The following OSBPL6 variants were observed in gnomAD, a reference collection of about 807,000 sequenced individuals.
OSBPL6 encodes oxysterol-binding protein-related protein 6.
OSBPL6 carries 49 observed loss-of-function variants against 125.8 expected under a neutral mutation model. The observed-to-expected ratio is 0.39, with a 90% CI of 0.31 to 0.49. The LOEUF is 0.49. Among genes scored for constraint, OSBPL6 ranks in the 20% least tolerant of loss-of-function variants. The pLI, the probability that OSBPL6 is intolerant of heterozygous loss-of-function variation, is 0.88. For synonymous variants in OSBPL6, 394 were observed against 391.8 expected, an observed-to-expected ratio of 1.01 and a Z score of -0.07; for missense variants, 986 against 1,135.4, an observed-to-expected ratio of 0.87 and a Z score of 1.89.
chr2:178,286,958 A>G (rs957585997), intron 2 of OSBPL6, among the ~76,000 whole-genome samples: 1 of 36,156 alleles, frequency 2.8e-5, no homozygotes, highest in African/African-American at 7.1e-5. Flanking sequence ...TATTGTTGCT[A>G]AATGAAATTC....
In OSBPL6 at chr2:178,367,824, G is replaced by A. The variant is rs571402736; in HGVS notation, c.1288-4302G>A. ...AGTGGTGAGAATATGCATAAAACCT[G>A]CTGCGTGAAGAATCTGTGCCCAGTT... On this transcript the variant is annotated intron_variant, in intron 13 of 24. Transcript: ENST00000190611. Among the ~76,000 whole-genome samples, 8 of 152,306 alleles carry A rather than the reference G, an allele frequency of 5.3e-5. No individual in the cohort carries two copies. In the South Asian group the frequency reaches 1.4e-3, roughly 28 times the overall value.
Position 178,395,809 on chromosome 2 carries a change from G to T in OSBPL6, c.*250G>T. On this transcript the variant is annotated 3_prime_UTR_variant, in exon 25 of 25. Transcript: ENST00000190611. ...AAAAAAAAAAAAAAAAATCCACACC[G>T]TCCTTGGAAAGCAGAATAAAAGGAG... 2.4e-6 allele frequency: 1 copy of T among 416,032 alleles called. No individual in the cohort carries two copies. 25.8% of individuals were successfully genotyped at this position (416,032 alleles called of 1,614,324 possible).
intron 11 of OSBPL6, among the ~76,000 whole-genome samples, chr2:178,343,845 G>A (rs1247788531): frequency 6.6e-6 from 1 of 151,722 alleles, no homozygotes; most frequent in Non-Finnish European, 1.5e-5. Flanking sequence ...AATTCTGTCT[G>A]GCCATTATGA....
intron 13 of OSBPL6, among the ~76,000 whole-genome samples, chr2:178,367,941 T>C (rs1203188795): frequency 1.3e-5 from 2 of 152,196 alleles, no homozygotes; most frequent in African/African-American, 2.4e-5. Flanking sequence ...ATAGCTCTTC[T>C]TGCTCATTGG....
chr2:178,231,465 C>T (rs2090813823), intron 1 of OSBPL6, among the ~76,000 whole-genome samples: 1 of 152,000 alleles, frequency 6.6e-6, no homozygotes, highest in African/African-American at 2.4e-5. Flanking sequence ...GTCTGCAGCT[C>T]GATTTTACAG....
chr2:178,264,721 A>G lies in OSBPL6; in HGVS notation c.-350-20206A>G, dbSNP rs535977660. Among the ~76,000 whole-genome samples, 14 of 152,296 alleles carry G rather than the reference A, an allele frequency of 9.2e-5. No individual in the cohort carries two copies. The East Asian group carries it at 2.7e-3, about 29-fold the overall frequency. On this transcript the variant is annotated intron_variant, in intron 1 of 24. Transcript: ENST00000190611. ...TTGGGAATCATTTGTATAGACCTCA[A>G]AGGGAATGTGAAAACTCAAGAGTAT... is the stretch of plus-strand genomic sequence containing the variant.
At chr2:178,232,360 C>T (rs1034651816) in intron 1 of OSBPL6, among the ~76,000 whole-genome samples, 13 of 152,050 alleles carry the variant, frequency 8.5e-5, no homozygotes, top group African/African-American at 3.1e-4. Context: ...TTGGAAATTA[C>T]TAATCCCAGA....
intron 2 of OSBPL6, among the ~76,000 whole-genome samples, chr2:178,288,761 G>C (rs1684953257): frequency 6.6e-6 from 1 of 151,582 alleles, no homozygotes; most frequent in Non-Finnish European, 1.5e-5. Context: ...TGATTCTCCT[G>C]CCTCAGCCTC....
chr2:178,292,749 G>A (rs1685402109), intron 2 of OSBPL6, among the ~76,000 whole-genome samples: 1 of 152,038 alleles, frequency 6.6e-6, no homozygotes, highest in Admixed American at 6.6e-5. Context: ...AGACAGATGA[G>A]GTCTCTGGAG....
chr2:178,235,464 TG>T (rs1409880829), intron 1 of OSBPL6, among the ~76,000 whole-genome samples: 1 of 140,878 alleles, frequency 7.1e-6, no homozygotes, highest in Non-Finnish European at 1.5e-5. Context: ...TGGAGTGCGG[TG>T]GTGCAATCCT....
At chr2:178,225,677 A>G (rs2090531686) in intron 1 of OSBPL6, among the ~76,000 whole-genome samples, 2 of 152,230 alleles carry the variant, frequency 1.3e-5, no homozygotes, top group South Asian at 4.1e-4. Flanking sequence ...GAGGCCTCAC[A>G]ATCATGGCAG....
rs952695018 is a variant in OSBPL6, at chr2:178,328,293, T to C, written c.233T>C (p.Ile78Thr). 2.5e-6 allele frequency: 4 copies of C among 1,613,904 alleles called. No homozygotes were observed. The Admixed American group carries it at 5.0e-5, about 20-fold the overall frequency. Residue 78 changes from isoleucine to threonine, a missense_variant, in exon 5 of 25, where the codon ATA becomes ACA. Ile to Thr is a moderately conservative substitution (Grantham distance 89, BLOSUM62 -1). Around this residue, in one of 3 missense-constraint regions of OSBPL6, gnomAD observed 130 missense variants for 106.4 expected, o/e 1.22. Transcript: ENST00000190611. ...DSWEIIEGLK[I>T]GQTNVQKPDK... ...TGGGAAATTATAGAAGGGCTGAAAA[T>C]AGGCCAAACCAATGTCCAGAAACCA... is the stretch of plus-strand genomic sequence containing the variant.
chr2:178,339,653 A>G lies in OSBPL6; in HGVS notation c.895-19A>G. The G allele has an allele frequency of 6.4e-7, 1 of 1,567,894 alleles. No individual in the cohort carries two copies. The highest frequency in any genetic ancestry group is 8.6e-7 in the Non-Finnish European group (1 of 1,157,792). On this transcript the variant is annotated intron_variant, in intron 10 of 24. Coordinates refer to ENST00000190611, the MANE Select transcript of OSBPL6 (RefSeq NM_032523.4). ...AACTTAATAATACTTTGTTGCTTTT[A>G]ACTATTTGTGTAATGTAGGCTAACT...
intron 13 of OSBPL6, among the ~76,000 whole-genome samples, chr2:178,366,056 A>G (rs892519284): frequency 6.6e-6 from 1 of 152,026 alleles, no homozygotes; most frequent in African/African-American, 2.4e-5. Flanking sequence ...ACGTCCGGCT[A>G]ATTTTTTGTG....
At chr2:178,228,309 GCA>G (rs2090653035) in intron 1 of OSBPL6, among the ~76,000 whole-genome samples, 3 of 152,226 alleles carry the variant, frequency 2.0e-5, no homozygotes, top group Non-Finnish European at 4.4e-5. Flanking sequence ...GCCAAGGTGG[GCA>G]TATCATGAGG....
rs896345577 is a variant in OSBPL6 at position 178,397,955 on chromosome 2, A to C, written c.*2396A>C. 1.3e-5 allele frequency: 2 copies of C among 152,204 alleles called. No individual in the cohort carries two copies. The highest frequency in any genetic ancestry group is 2.9e-5 in the Non-Finnish European group (2 of 68,032). The allele number at this position is 152,204 out of a possible 1,614,324, so 9.4% of individuals were successfully genotyped here. On this transcript the variant is annotated 3_prime_UTR_variant, in exon 25 of 25. Coordinates refer to ENST00000190611, the MANE Select transcript of OSBPL6 (RefSeq NM_032523.4). Reference sequence around the variant, plus strand: ...CATTTGATAATATCTCAGATTTAGAATCTCTTTTGGGATTCAGATAGTCTG... The same window carrying C: ...CATTTGATAATATCTCAGATTTAGACTCTCTTTTGGGATTCAGATAGTCTG...
chr2:178,315,521 C>A (rs1314228518), intron 3 of OSBPL6, among the ~76,000 whole-genome samples: 1 of 152,132 alleles, frequency 6.6e-6, no homozygotes, highest in East Asian at 1.9e-4. Flanking sequence ...TGATTCAGAA[C>A]CCAGTGCTAC....
intron 3 of OSBPL6, among the ~76,000 whole-genome samples, chr2:178,311,425 TG>T (rs1687259505): frequency 6.6e-6 from 1 of 152,188 alleles, no homozygotes; most frequent in Non-Finnish European, 1.5e-5. Context: ...CCACCTGGCA[TG>T]TTATCTATTT....
intron 4 of OSBPL6, among the ~76,000 whole-genome samples, chr2:178,325,771 A>C (rs1470779512): frequency 6.6e-6 from 1 of 152,234 alleles, no homozygotes; most frequent in Non-Finnish European, 1.5e-5. Flanking sequence ...GTTTTCCGGC[A>C]TGAAGGCCCC....
Sources: gnomAD v4.1 joint callset for allele counts (sites outside exome capture counted in the v4.1 genomes callset) on GRCh38, gnomAD v4.1.1 for gene constraint, gnomAD v4.1.1 regional missense constraint, MANE v1.5 for transcripts, NCBI Gene and HGNC (gene_info 2026-07-23, HGNC 2026-07-21) for gene names.